The following MIS18BP1 variants were observed in gnomAD, a reference collection of about 807,000 sequenced individuals.
MIS18BP1 encodes mis18-binding protein 1.
A neutral mutation model predicts 116.1 loss-of-function variants in MIS18BP1; 72 were observed. The ratio of observed to expected loss-of-function variants is 0.62; its 90% CI spans 0.51 to 0.75. MIS18BP1 has a LOEUF of 0.75. Ranked by LOEUF, MIS18BP1 falls within the 30% of genes least tolerant of loss-of-function variation. The probability of loss-of-function intolerance (pLI) is 0.00; values close to 1 mark genes in which losing one functional copy is unlikely to be tolerated. For missense variants in MIS18BP1, 1,363 were observed against 1,303.2 expected (o/e 1.05, Z -0.71); for synonymous variants, 386 against 427.0 (o/e 0.90, Z 1.18).
intron 11 of MIS18BP1, among the ~76,000 whole-genome samples, chr14:45,221,707 A>G (rs1383315313): frequency 6.6e-6 from 1 of 152,174 alleles, no homozygotes; most frequent in Admixed American, 6.5e-5. Context: ...GAAATAACCT[A>G]TTCTTTTTCT....
In MIS18BP1 at chr14:45,242,153, T is replaced by G. The variant is rs147185910; in HGVS notation, c.1024A>C (p.Ile342Leu). The change falls in exon 4 of 17, where the codon ATT becomes CTT. Residue 342 changes from isoleucine to leucine, a missense_variant. Ile to Leu is a conservative substitution (Grantham distance 5). Transcript: ENST00000310806. ...TGAAGTCTTGGTGTTGCAAGTACAA[T>G]TTTACATGTATCTTTCATGGAACCT... ...LPGSMKDTCK[I>L]VLATPRLHIT... 11 of 1,614,012 alleles carry G rather than the reference T, an allele frequency of 6.8e-6. No homozygotes were observed. Among genetic ancestry groups the G allele is most frequent in the Non-Finnish European group, 9.3e-6 (11 of 1,180,006 alleles).
intron 12 of MIS18BP1, 108 bp from the exon 13 acceptor site, chr14:45,217,287 A>G: frequency 7.6e-7 from 1 of 1,316,626 alleles, no homozygotes; most frequent in Non-Finnish European, 1.0e-6. Context: ...TGTTAAAAAA[A>G]AACCAAAAAA....
At chr14:45,240,396 C>T (rs1891543083) in intron 4 of MIS18BP1, among the ~76,000 whole-genome samples, 1 of 152,096 alleles carries the variant, frequency 6.6e-6, no homozygotes, top group Non-Finnish European at 1.5e-5. Context: ...CACCTGTAAT[C>T]ATTTCCTTTT....
At chr14:45,215,226 A>C (rs1161613721) in intron 13 of MIS18BP1, among the ~76,000 whole-genome samples, 3 of 152,190 alleles carry the variant, frequency 2.0e-5, no homozygotes, top group Admixed American at 6.5e-5. Flanking sequence ...CAGTGTAAGC[A>C]AAAAGGGGGC....
At chr14:45,204,916 A>G (rs1473048608) in intron 15 of MIS18BP1, among the ~76,000 whole-genome samples, 1 of 152,066 alleles carries the variant, frequency 6.6e-6, no homozygotes, top group African/African-American at 2.4e-5. Flanking sequence ...TTTTACCTAC[A>G]GTCTGTTATT....
chr14:45,204,843 C>G (rs1890468333), intron 15 of MIS18BP1, among the ~76,000 whole-genome samples: 1 of 151,898 alleles, frequency 6.6e-6, no homozygotes, highest in Non-Finnish European at 1.5e-5. Flanking sequence ...ATTATAATTA[C>G]AATACTATAC....
Position 45,209,173 on chromosome 14 carries a change from T to TACACAC in MIS18BP1, c.3152+1201_3152+1206dup, listed in dbSNP as rs141735848. On this transcript the variant is annotated intron_variant, in intron 14 of 16. Coordinates refer to ENST00000310806, the MANE Select transcript of MIS18BP1 (RefSeq NM_018353.5). ...AGACTTAATCTAATAAAAGCAATTA[T>TACACAC]ACACACACACACACACACAAGTATA... is the stretch of plus-strand genomic sequence containing the variant. Among the ~76,000 whole-genome samples, 472 of 150,644 alleles carry TACACAC rather than the reference T, an allele frequency of 3.1e-3. 5 individuals are homozygous for TACACAC. Among genetic ancestry groups the TACACAC allele is most frequent in the Admixed American group, 0.021 (317 of 15,106 alleles).
At position 45,217,196 on chromosome 14, in the gene MIS18BP1, C is replaced by A. The variant is rs947506174; in HGVS notation, c.2843-17G>T. The A allele has an allele frequency of 1.2e-6, 2 of 1,610,140 alleles. No individual in the cohort carries two copies. Among genetic ancestry groups the A allele is most frequent in the African/African-American group, 1.3e-5 (1 of 74,606 alleles). Reference sequence around the variant, plus strand: ...CTCTCTTGCCTTAAGAGTCAGCAAACCATTTTGATAAGGATTTGGTTATTT... The same window carrying A: ...CTCTCTTGCCTTAAGAGTCAGCAAAACATTTTGATAAGGATTTGGTTATTT... On this transcript the variant is annotated splice_polypyrimidine_tract_variant and intron_variant, in intron 12 of 16. Coordinates refer to ENST00000310806, the MANE Select transcript of MIS18BP1 (RefSeq NM_018353.5).
intron 13 of MIS18BP1, among the ~76,000 whole-genome samples, chr14:45,213,871 A>C (rs1419649002): frequency 6.6e-6 from 1 of 152,238 alleles, no homozygotes; most frequent in Non-Finnish European, 1.5e-5. Context: ...GTGCTCACAG[A>C]GACATGTGCT....
At chr14:45,240,955 A>G (rs778710473) in intron 4 of MIS18BP1, among the ~76,000 whole-genome samples, 6 of 152,146 alleles carry the variant, frequency 3.9e-5, no homozygotes, top group African/African-American at 9.7e-5. Flanking sequence ...ATATTTTCCA[A>G]TAATGGGATT....
Position 45,218,269 on chromosome 14 carries a change from C to G in MIS18BP1, c.2842+13G>C. 3 of 1,612,386 alleles carry G rather than the reference C, an allele frequency of 1.9e-6. No individual in the cohort carries two copies. Among genetic ancestry groups the G allele is most frequent in the Non-Finnish European group, 2.5e-6 (3 of 1,179,504 alleles). ...TGAGTACTAGGAAAAAAACTATTTA[C>G]TACGAAGGTTACCATTTTGGCCTTT... On this transcript the variant is annotated intron_variant, in intron 12 of 16. Transcript: ENST00000310806.
At position 45,212,821 on chromosome 14, in the gene MIS18BP1, A is replaced by C. The variant is rs566930022; in HGVS notation, c.3004-2293T>G. On this transcript the variant is annotated intron_variant, in intron 13 of 16. Coordinates refer to ENST00000310806, the MANE Select transcript of MIS18BP1 (RefSeq NM_018353.5). The stretch of plus-strand genomic sequence containing the variant: ...CTGGGCATGCAGACAGCCCGCCCCA[A>C]GGTTAGAATCCGGGGAGAAGGAACA... Among the ~76,000 whole-genome samples the C allele has an allele frequency of 3.3e-5, 5 of 152,326 alleles. No homozygotes were observed. In the East Asian group the frequency reaches 9.7e-4, roughly 29 times the overall value.
chr14:45,218,735 T>A (rs1015406004), intron 11 of MIS18BP1, among the ~76,000 whole-genome samples: 1 of 150,804 alleles, frequency 6.6e-6, no homozygotes, highest in Non-Finnish European at 1.5e-5. Flanking sequence ...CCTTTCAACA[T>A]TTTTTTTTCT....
At chr14:45,207,335 G>A (rs891443868) in intron 14 of MIS18BP1, among the ~76,000 whole-genome samples, 2 of 152,178 alleles carry the variant, frequency 1.3e-5, no homozygotes, top group Non-Finnish European at 2.9e-5. Flanking sequence ...AAACACTGCT[G>A]TATAGCAATG....
chr14:45,244,254 T>C (rs775041985), intron 2 of MIS18BP1, among the ~76,000 whole-genome samples: 22 of 152,224 alleles, frequency 1.4e-4, no homozygotes, highest in Non-Finnish European at 2.8e-4. Context: ...AGACCACTAA[T>C]GGGCATCTAC....
chr14:45,226,921 ATACAAATTTCTAGG>A, intron 9 of MIS18BP1, 85 bp from the exon 10 acceptor site: 1 of 1,117,552 alleles, frequency 8.9e-7, no homozygotes, highest in Non-Finnish European at 1.2e-6. Context: ...TGCATCAAGC[ATACAAATTTCTAGG>A]TACTTACAGT....
chr14:45,239,813 G>A (rs1190314539), intron 4 of MIS18BP1, among the ~76,000 whole-genome samples: 1 of 152,216 alleles, frequency 6.6e-6, no homozygotes, highest in East Asian at 1.9e-4. Context: ...ACAGTGAGAA[G>A]AGGCCGCATT....
At chr14:45,207,452 A>C (rs1890548843) in intron 14 of MIS18BP1, among the ~76,000 whole-genome samples, 1 of 152,168 alleles carries the variant, frequency 6.6e-6, no homozygotes, top group Admixed American at 6.5e-5. Flanking sequence ...GGAGTTCAAG[A>C]CCAGCCTGGC....
intron 11 of MIS18BP1, among the ~76,000 whole-genome samples, chr14:45,222,529 G>A (rs1055905463): frequency 2.0e-5 from 3 of 152,156 alleles, no homozygotes; most frequent in Admixed American, 2.0e-4. Flanking sequence ...TATACGTTCA[G>A]TCTACTATCA....
Sources: allele counts gnomAD v4.1 joint callset (sites outside exome capture counted in the v4.1 genomes callset), GRCh38; gene constraint gnomAD v4.1.1; transcripts MANE v1.5; gene names NCBI Gene and HGNC (gene_info 2026-07-23, HGNC 2026-07-21).